The following CTNNA2 variants were observed in gnomAD, a reference collection of about 807,000 sequenced individuals.
CTNNA2 encodes the protein catenin alpha-2.
CTNNA2 carries 42 observed loss-of-function variants against 101.0 expected under a neutral mutation model. The observed-to-expected ratio is 0.42, with a 90% confidence interval of 0.32 to 0.54. CTNNA2 has a LOEUF of 0.54. CTNNA2 is among the 20% of genes least tolerant of loss of function. CTNNA2 has a pLI of 0.14. For missense variants in CTNNA2, 871 were observed against 1,223.1 expected, an observed-to-expected ratio of 0.71 and a Z score of 4.29; for synonymous variants, 450 against 456.4, an observed-to-expected ratio of 0.99 and a Z score of 0.18.
chr2:80,643,340 A>G lies in CTNNA2; in HGVS notation c.2575-4245A>G, dbSNP rs115566854. On this transcript the variant is annotated intron_variant, in intron 18 of 18. Transcript: ENST00000402739. ...TTAGCAGTGTGATAATGGGCAAGCT[A>G]TATGCTTCTAAGTCTCAATTGGTCA... is the stretch of plus-strand genomic sequence containing the variant. Among the ~76,000 whole-genome samples, 234 of 152,244 alleles carry G rather than the reference A, an allele frequency of 1.5e-3. 3 individuals carry two copies. The highest frequency in any genetic ancestry group is 5.4e-3 in the African/African-American group (224 of 41,562).
At chr2:79,990,437 C>T (rs559705960) in intron 7 of CTNNA2, among the ~76,000 whole-genome samples, 1 of 152,192 alleles carries the variant, frequency 6.6e-6, no homozygotes, top group South Asian at 2.1e-4. Flanking sequence ...AAGGGAGTCG[C>T]ACTGATACAC....
intron 1 of CTNNA2, among the ~76,000 whole-genome samples, chr2:79,644,990 GT>G (rs577576083): frequency 6.8e-5 from 10 of 146,604 alleles, no homozygotes; most frequent in South Asian, 2.2e-4. Flanking sequence ...TTTGTTTTTT[GT>G]TTTTTTTTTG....
At chr2:79,224,030 C>T (rs1163950965) in intron 2 of CTNNA2, among the ~76,000 whole-genome samples, 2 of 152,172 alleles carry the variant, frequency 1.3e-5, no homozygotes, top group Admixed American at 1.3e-4. Context: ...GAGATAAAAG[C>T]ATTCTTCCGT....
intron 8 of CTNNA2, among the ~76,000 whole-genome samples, chr2:80,412,270 C>G (rs774114208): frequency 6.6e-6 from 1 of 152,248 alleles, no homozygotes; most frequent in South Asian, 2.1e-4. Context: ...ACAGAAGGAA[C>G]TAAGTACCTG....
intron 7 of CTNNA2, among the ~76,000 whole-genome samples, chr2:80,218,771 G>A (rs983821757): frequency 1.3e-5 from 2 of 152,138 alleles, no homozygotes; most frequent in East Asian, 3.9e-4. Flanking sequence ...GCCTCCTTAT[G>A]CATTCAACTT....
chr2:80,547,436 C>G (rs1692174127), intron 11 of CTNNA2, among the ~76,000 whole-genome samples: 1 of 152,146 alleles, frequency 6.6e-6, no homozygotes, highest in Non-Finnish European at 1.5e-5. Flanking sequence ...AGATCATCCT[C>G]TTTTCAGAAA....
intron 7 of CTNNA2, among the ~76,000 whole-genome samples, chr2:80,004,891 T>C (rs1386730739): frequency 6.6e-6 from 1 of 152,060 alleles, no homozygotes; most frequent in African/African-American, 2.4e-5. Flanking sequence ...TTAGTAGAGA[T>C]GGGGTTTCAC....
intron 2 of CTNNA2, among the ~76,000 whole-genome samples, chr2:79,275,164 A>T (rs1675180008): frequency 1.3e-5 from 2 of 152,082 alleles, no homozygotes; most frequent in Middle Eastern, 3.2e-3. Flanking sequence ...AGCACAGAAG[A>T]AATGGTTGTG....
At chr2:79,421,368 A>G (rs1678538780) in intron 4 of CTNNA2, among the ~76,000 whole-genome samples, 2 of 152,196 alleles carry the variant, frequency 1.3e-5, no homozygotes, top group South Asian at 4.1e-4. Context: ...TGAGATTTGA[A>G]GAAATATTGG....
intron 3 of CTNNA2, among the ~76,000 whole-genome samples, chr2:79,834,796 T>G (rs1367748570): frequency 1.3e-5 from 2 of 152,066 alleles, no homozygotes; most frequent in African/African-American, 4.8e-5. Flanking sequence ...ATCATAAATA[T>G]ATCTCTAAAT....
At chr2:79,373,939 G>T (rs1677927958) in exon 4 of CTNNA2, 1 of 152,272 alleles carries the variant, frequency 6.6e-6, no homozygotes, top group African/African-American at 2.4e-5. Context: ...TGTCCTTGGA[G>T]TCCAGAATGA....
At chr2:79,515,313 CTG>C (rs1234251336) in intron 1 of CTNNA2, among the ~76,000 whole-genome samples, 3 of 152,168 alleles carry the variant, frequency 2.0e-5, no homozygotes, top group Non-Finnish European at 4.4e-5. Context: ...AAGTGAAAGA[CTG>C]TCATGTTAAT....
chr2:79,400,983 C>T lies in CTNNA2; in HGVS notation c.-135+26970C>T, dbSNP rs533254528. Reference sequence around the variant, plus strand: ...ACCATGAAAAGAAAAACACTATCAACTAAGACTTCTGTGTCTAGCAAAACT... The same window carrying T: ...ACCATGAAAAGAAAAACACTATCAATTAAGACTTCTGTGTCTAGCAAAACT... On this transcript the variant is annotated intron_variant, in intron 4 of 21. Transcript: ENST00000466387. 2.6e-5 allele frequency among the ~76,000 whole-genome samples: 4 copies of T among 151,990 alleles called. No homozygotes were observed. The South Asian group carries it at 8.3e-4, about 32-fold the overall frequency.
chr2:79,376,125 G>A (rs1677970706), intron 4 of CTNNA2, among the ~76,000 whole-genome samples: 3 of 152,242 alleles, frequency 2.0e-5, no homozygotes, highest in Admixed American at 6.5e-5. Context: ...AGCAGAAGAT[G>A]GTAGATGAGG....
At chr2:80,245,599 A>T (rs1290003663) in intron 7 of CTNNA2, among the ~76,000 whole-genome samples, 14 of 151,640 alleles carry the variant, frequency 9.2e-5, no homozygotes, top group Admixed American at 1.3e-4. Context: ...CCTGCTTGTC[A>T]TTCAGTGTGT....
chr2:80,077,943 T>C (rs1698868348), intron 7 of CTNNA2, among the ~76,000 whole-genome samples: 1 of 152,188 alleles, frequency 6.6e-6, no homozygotes, highest in Non-Finnish European at 1.5e-5. Flanking sequence ...ATTATATAAC[T>C]TGCTAAACAT....
chr2:79,921,577 TC>T (rs1026722304), intron 7 of CTNNA2, among the ~76,000 whole-genome samples: 7 of 152,210 alleles, frequency 4.6e-5, no homozygotes, highest in Non-Finnish European at 8.8e-5. Flanking sequence ...CTCATCCTAC[TC>T]ATCTACTTTT....
intron 9 of CTNNA2, among the ~76,000 whole-genome samples, chr2:80,452,421 C>T (rs1314999750): frequency 3.3e-5 from 5 of 151,464 alleles, no homozygotes; most frequent in African/African-American, 4.9e-5. Flanking sequence ...GTATTCTAGT[C>T]GGCTGTGTGC....
intron 7 of CTNNA2, among the ~76,000 whole-genome samples, chr2:80,046,401 CA>C (rs1163350675): frequency 6.6e-6 from 1 of 152,068 alleles, no homozygotes; most frequent in Non-Finnish European, 1.5e-5. Context: ...TATAGGCTCT[CA>C]GTAGATGAGA....
Sources: allele counts gnomAD v4.1 joint callset (sites outside exome capture counted in the v4.1 genomes callset), GRCh38; gene constraint gnomAD v4.1.1; transcripts MANE v1.5; gene names NCBI Gene and HGNC (gene_info 2026-07-23, HGNC 2026-07-21).